LYST: variants seen among roughly 807,000 people sequenced by gnomAD.
LYST encodes lysosomal trafficking regulator, also known as lysosomal-trafficking regulator.
In LYST, 192 loss-of-function variants were observed where a neutral mutation model predicts 413.6. The ratio of observed to expected loss-of-function variants is 0.46; its 90% CI spans 0.41 to 0.52. The LOEUF is 0.52. Among genes scored for constraint, LYST ranks in the 20% least tolerant of loss-of-function variants. The pLI, the probability that LYST is intolerant of heterozygous loss-of-function variation, is 0.00. For synonymous variants in LYST, 1,525 were observed against 1,567.3 expected, an observed-to-expected ratio of 0.97 and a Z score of 0.64; for missense variants, 3,815 against 4,499.9, an observed-to-expected ratio of 0.85 and a Z score of 4.35.
intron 20 of LYST, among the ~76,000 whole-genome samples, chr1:235,768,498 C>A (rs1668352966): frequency 6.6e-6 from 1 of 152,050 alleles, no homozygotes; most frequent in Non-Finnish European, 1.5e-5. Flanking sequence ...AAGTTCATTT[C>A]TTTATAAACT....
intron 31 of LYST, chr1:235,738,497 C>T (rs1347681847): frequency 1.2e-6 from 2 of 1,612,098 alleles, no homozygotes; most frequent in Non-Finnish European, 1.7e-6. Context: ...GCAATCTGGA[C>T]TCAGCCCAAT....
At chr1:235,675,061 A>G (rs1659269990) in intron 50 of LYST, among the ~76,000 whole-genome samples, 1 of 152,224 alleles carries the variant, frequency 6.6e-6, no homozygotes. Flanking sequence ...AAAAGGAACT[A>G]CAAAGCCAAG....
At chr1:235,840,720 G>C (rs1677109569) in intron 1 of LYST, among the ~76,000 whole-genome samples, 1 of 152,124 alleles carries the variant, frequency 6.6e-6, no homozygotes, top group African/African-American at 2.4e-5. Context: ...TCATTCTAGT[G>C]GCAATGTGGA....
intron 28 of LYST, among the ~76,000 whole-genome samples, chr1:235,748,585 A>G (rs1363296483): frequency 6.6e-6 from 1 of 152,234 alleles, no homozygotes; most frequent in Admixed American, 6.5e-5. Flanking sequence ...ACATATAAAG[A>G]TATGTATAGA....
intron 50 of LYST, among the ~76,000 whole-genome samples, chr1:235,676,455 A>G (rs1659386851): frequency 6.6e-6 from 1 of 152,196 alleles, no homozygotes; most frequent in Admixed American, 6.5e-5. Flanking sequence ...CACAGCAATC[A>G]ATGACAGGGG....
At position 235,661,977 on chromosome 1, in the gene LYST, C is replaced by G. The variant is rs1658082900; in HGVS notation, c.*963G>C. 1 of 152,170 alleles carries G rather than the reference C, an allele frequency of 6.6e-6. No homozygotes were observed. Among genetic ancestry groups the G allele is most frequent in the African/African-American group, 2.4e-5 (1 of 41,444 alleles). 9.4% of individuals were successfully genotyped at this position (152,170 alleles called of 1,614,324 possible). A position where few individuals can be genotyped will look rare whatever the true frequency, so the allele number is the denominator to read the frequency against. On this transcript the variant is annotated 3_prime_UTR_variant, in exon 53 of 53. Transcript: ENST00000389793. Reference sequence around the variant, plus strand: ...ATGGTTTCCTAAAAGAATTATTCTGCCTCCTGTTTAAAGTAAGCTTTTATA... The same window carrying G: ...ATGGTTTCCTAAAAGAATTATTCTGGCTCCTGTTTAAAGTAAGCTTTTATA...
chr1:235,729,655 A>C lies in LYST; in HGVS notation c.9047T>G (p.Val3016Gly). Residue 3016 changes from valine (V) to glycine (G), a missense_variant and splice_region_variant, in exon 37 of 53, where the codon GTG (valine) becomes GGG (glycine). This residue lies in a region of LYST where 866 missense variants were observed against 1,156.0 expected (regional missense o/e 0.75). Transcript: ENST00000389793. ...KDKAASESIR[V>G]NRRCISVAPS... ...TGCAACACTGATGCATCTTCGATTC[A>C]CTCTGTCAAAACATATTTAAAATTA... 1 of 1,602,238 alleles carries C rather than the reference A, an allele frequency of 6.2e-7. No individual in the cohort carries two copies. Among genetic ancestry groups the C allele is most frequent in the South Asian group, 1.1e-5 (1 of 90,844 alleles).
At chr1:235,799,650 T>C (rs968787698) in intron 10 of LYST, among the ~76,000 whole-genome samples, 1 of 152,232 alleles carries the variant, frequency 6.6e-6, no homozygotes, top group Non-Finnish European at 1.5e-5. Flanking sequence ...AATCATATTA[T>C]ACATTCATTA....
intron 46 of LYST, among the ~76,000 whole-genome samples, chr1:235,694,011 C>CT (rs11389709): frequency 0.55 from 75,042 of 135,566 alleles, 22,829 homozygotes; most frequent in African/African-American, 0.78. Context: ...TCTTCTTCTT[C>CT]TTTTTTTTTT....
At chr1:235,715,166 C>T (rs1662726112) in intron 42 of LYST, 35 bp downstream of exon 42, 3 of 1,573,424 alleles carry the variant, frequency 1.9e-6, no homozygotes, top group Non-Finnish European at 1.7e-6. Flanking sequence ...TCTGATGACC[C>T]AACATGACTT....
At chr1:235,816,159 A>AG (rs1558293416) in intron 3 of LYST, among the ~76,000 whole-genome samples, 32 of 111,800 alleles carry the variant, frequency 2.9e-4, no homozygotes, top group African/African-American at 1.0e-3. Flanking sequence ...AAAAAAAAAA[A>AG]GGCTGGGCAT....
rs12118012 is a variant in LYST at position 235,813,331 on chromosome 1, T to C, written c.193-270A>G. Among the ~76,000 whole-genome samples, 4,358 of 152,272 alleles carry C rather than the reference T, an allele frequency of 0.029. 120 individuals carry two copies. The highest frequency in any genetic ancestry group is 0.12 in the South Asian group (564 of 4,818). ...CCAAAAATAGCTGTTATTACCACCA[T>C]GCACATTGCAAGAATTCCTTACCTA... On this transcript the variant is annotated intron_variant, in intron 3 of 52. Coordinates refer to ENST00000389793, the MANE Select transcript of LYST (RefSeq NM_000081.4).
At chr1:235,813,485 A>G (rs914184680) in intron 3 of LYST, among the ~76,000 whole-genome samples, 7 of 152,224 alleles carry the variant, frequency 4.6e-5, no homozygotes, top group Admixed American at 4.6e-4. Context: ...GACGATTTTA[A>G]AAGAGAAATT....
intron 1 of LYST, among the ~76,000 whole-genome samples, chr1:235,881,638 T>C (rs1478441403): frequency 6.6e-6 from 1 of 152,236 alleles, no homozygotes; most frequent in Non-Finnish European, 1.5e-5. Context: ...TGTGTATATA[T>C]ATTTACATAC....
chr1:235,705,682 G>A (rs1349769127), intron 44 of LYST, among the ~76,000 whole-genome samples: 1 of 152,044 alleles, frequency 6.6e-6, no homozygotes, highest in African/African-American at 2.4e-5. Flanking sequence ...CACTGTGCCT[G>A]GCCCAGTGAT....
At chr1:235,841,556 A>G (rs1211889508) in intron 1 of LYST, among the ~76,000 whole-genome samples, 1 of 152,140 alleles carries the variant, frequency 6.6e-6, no homozygotes, top group African/African-American at 2.4e-5. Flanking sequence ...TCTCCAGGAG[A>G]GCCACTTTAC....
At chr1:235,838,570 A>G (rs189594655) in intron 1 of LYST, among the ~76,000 whole-genome samples, 46 of 152,346 alleles carry the variant, frequency 3.0e-4, no homozygotes, top group Non-Finnish European at 5.3e-4. Flanking sequence ...AGTAACATCA[A>G]GTTTACAAAA....
At chr1:235,680,034 C>A (rs777817399) in intron 48 of LYST, among the ~76,000 whole-genome samples, 2 of 151,630 alleles carry the variant, frequency 1.3e-5, no homozygotes, top group African/African-American at 4.8e-5. Context: ...CACACACACA[C>A]AACTAAGACT....
At chr1:235,694,011 C>CTTTT (rs11389709) in intron 46 of LYST, among the ~76,000 whole-genome samples, 6 of 135,610 alleles carry the variant, frequency 4.4e-5, no homozygotes, top group Non-Finnish European at 6.3e-5. Flanking sequence ...TCTTCTTCTT[C>CTTTT]TTTTTTTTTT....
Sources: allele counts gnomAD v4.1 joint callset (sites outside exome capture counted in the v4.1 genomes callset), GRCh38; gene constraint gnomAD v4.1.1; regional missense constraint gnomAD v4.1.1; transcripts MANE v1.5; gene names NCBI Gene and HGNC (gene_info 2026-07-23, HGNC 2026-07-21).